The following TBC1D32 variants were observed in gnomAD, a reference collection of about 807,000 sequenced individuals.
TBC1D32 encodes protein broad-minded.
A neutral mutation model predicts 170.3 loss-of-function variants in TBC1D32; 151 were observed. That is an observed-to-expected ratio of 0.89 (90% CI 0.78 to 1.01). The LOEUF (loss-of-function observed/expected upper bound fraction) is 1.01. TBC1D32 is among the 50% of genes least tolerant of loss of function. The pLI, the probability that TBC1D32 is intolerant of heterozygous loss-of-function variation, is 0.00. For missense variants in TBC1D32, 1,464 were observed against 1,457.1 expected, an observed-to-expected ratio of 1.00 and a Z score of -0.08; for synonymous variants, 498 against 488.0, an observed-to-expected ratio of 1.02 and a Z score of -0.27.
chr6:121,290,008 T>C (rs1396829626), intron 12 of TBC1D32, among the ~76,000 whole-genome samples: 2 of 152,172 alleles, frequency 1.3e-5, no homozygotes, highest in Admixed American at 6.5e-5. Context: ...TCAAGGTGGA[T>C]TAAAGACTTA....
intron 3 of TBC1D32, among the ~76,000 whole-genome samples, chr6:121,314,920 G>A (rs1808717170): frequency 6.6e-6 from 1 of 152,178 alleles, no homozygotes; most frequent in African/African-American, 2.4e-5. Flanking sequence ...GTGTCTGTGT[G>A]CCAGGCACTG....
At chr6:121,204,808 A>G (rs1303864363) in intron 22 of TBC1D32, among the ~76,000 whole-genome samples, 1 of 146,672 alleles carries the variant, frequency 6.8e-6, no homozygotes, top group African/African-American at 2.8e-5. Context: ...GAGTACACTA[A>G]ATGAAATAGT....
chr6:121,211,742 C>T (rs1053741831), intron 21 of TBC1D32, among the ~76,000 whole-genome samples: 3 of 152,120 alleles, frequency 2.0e-5, no homozygotes, highest in Non-Finnish European at 2.9e-5. Flanking sequence ...AAGTAAAATG[C>T]TGTGGAAGAC....
rs190409049 is a variant in TBC1D32 at position 121,089,013 on chromosome 6, A to T, written c.3654+1840T>A. ...AAAAGAGAGATGAAACTGTAAATCA[A>T]CATTAATCAAATTTAAAGATGATGC... On this transcript the variant is annotated intron_variant, in intron 31 of 31. Coordinates refer to ENST00000398212, the MANE Select transcript of TBC1D32 (RefSeq NM_152730.6). Among the ~76,000 whole-genome samples, 314 of 152,296 alleles carry T rather than the reference A, an allele frequency of 2.1e-3. 1 individual carries two copies. The highest frequency in any genetic ancestry group is 7.3e-3 in the African/African-American group (305 of 41,586).
intron 26 of TBC1D32, among the ~76,000 whole-genome samples, chr6:121,123,677 T>G (rs1271104865): frequency 1.3e-5 from 2 of 152,104 alleles, no homozygotes; most frequent in African/African-American, 4.8e-5. Flanking sequence ...GGTCCTGTTT[T>G]GATATTCAGC....
chr6:121,172,158 T>C (rs1787109943), intron 22 of TBC1D32, among the ~76,000 whole-genome samples: 1 of 152,086 alleles, frequency 6.6e-6, no homozygotes, highest in African/African-American at 2.4e-5. Context: ...CCTTCCACCA[T>C]GATTATGAGG....
In TBC1D32 at chr6:121,304,624, A is replaced by G; in HGVS notation, c.771T>C (p.Ala257=). 6.3e-7 allele frequency: 1 copy of G among 1,590,190 alleles called. No homozygotes were observed. Among genetic ancestry groups the G allele is most frequent in the Non-Finnish European group, 8.6e-7 (1 of 1,169,120 alleles). The change falls in exon 7 of 32, where the codon GCT becomes GCC. Residue 257 remains alanine, a splice_region_variant and synonymous_variant. Coordinates refer to ENST00000398212, the MANE Select transcript of TBC1D32 (RefSeq NM_152730.6). ...HMTKEIYTSL[A]KYLESYFLSR... ...AAAGAAAGTATGACTCCAAATACTT[A>G]GCTGAAAAAAAAGGGAAAACATAAA...
chr6:121,298,741 C>T (rs1806024983), intron 10 of TBC1D32, among the ~76,000 whole-genome samples: 1 of 152,076 alleles, frequency 6.6e-6, no homozygotes, highest in Admixed American at 6.6e-5. Flanking sequence ...TTATGCTCTA[C>T]TGCACTCAAC....
rs1779355981 is a variant in TBC1D32, at chr6:121,113,136, T to C, written c.3095A>G (p.Asn1032Ser). The change falls in exon 28 of 32, where the codon AAT (asparagine) becomes AGT (serine). Residue 1032 changes from asparagine to serine, a missense_variant. By Grantham distance (46) the Asn-to-Ser change is conservative. Around this residue, in one of 3 missense-constraint regions of TBC1D32, gnomAD observed 1,363 missense variants for 1,338.1 expected, o/e 1.02. Coordinates refer to ENST00000398212, the MANE Select transcript of TBC1D32 (RefSeq NM_152730.6). ...ATGCTTTAAAACCCAGGTAAGATCA[T>C]TTTCTGCACCATCTTTTAAGAGACT... ...FLSLLKDGAE[N>S]DLTWVLKHCE... 1.9e-6 allele frequency: 3 copies of C among 1,611,456 alleles called. No individual in the cohort carries two copies. Among genetic ancestry groups the C allele is most frequent in the Non-Finnish European group, 2.5e-6 (3 of 1,179,044 alleles).
chr6:121,254,384 T>C (rs1798697111), intron 17 of TBC1D32, among the ~76,000 whole-genome samples: 1 of 152,086 alleles, frequency 6.6e-6, no homozygotes, highest in African/African-American at 2.4e-5. Context: ...CAAAAACTAT[T>C]GAAATAAAAA....
At chr6:121,085,226 T>TATAC (rs1776069939) in intron 31 of TBC1D32, among the ~76,000 whole-genome samples, 2 of 146,902 alleles carry the variant, frequency 1.4e-5, no homozygotes, top group Non-Finnish European at 3.0e-5. Flanking sequence ...TATACACATA[T>TATAC]ATATATACAC....
intron 17 of TBC1D32, among the ~76,000 whole-genome samples, chr6:121,250,491 G>A (rs1333665341): frequency 6.6e-6 from 1 of 152,094 alleles, no homozygotes; most frequent in Non-Finnish European, 1.5e-5. Context: ...AAAATCACAT[G>A]ATTATCTCAA....
chr6:121,222,350 T>C (rs1290560931), intron 21 of TBC1D32, among the ~76,000 whole-genome samples: 1 of 152,186 alleles, frequency 6.6e-6, no homozygotes, highest in Non-Finnish European at 1.5e-5. Context: ...GAGGTATACC[T>C]GTACTTAAGA....
At chr6:121,271,187 C>T (rs773185825) in intron 15 of TBC1D32, among the ~76,000 whole-genome samples, 2 of 152,146 alleles carry the variant, frequency 1.3e-5, no homozygotes, top group African/African-American at 4.8e-5. Flanking sequence ...GAAGCATTCC[C>T]TTTGAAAACT....
At chr6:121,244,501 T>C (rs2128368957) in intron 17 of TBC1D32, among the ~76,000 whole-genome samples, 1 of 152,252 alleles carries the variant, frequency 6.6e-6, no homozygotes, top group African/African-American at 2.4e-5. Context: ...TGGGGGTGGT[T>C]TTCAGGCCAC....
chr6:121,138,888 A>C (rs1407490181), intron 24 of TBC1D32, among the ~76,000 whole-genome samples: 1 of 148,732 alleles, frequency 6.7e-6, no homozygotes, highest in African/African-American at 2.5e-5. Flanking sequence ...TCTGTCGCCC[A>C]GGCTGGAGTG....
intron 9 of TBC1D32, among the ~76,000 whole-genome samples, chr6:121,302,806 G>A (rs183532815): frequency 6.6e-6 from 1 of 152,030 alleles, no homozygotes; most frequent in Admixed American, 6.6e-5. Flanking sequence ...TACTAGACAG[G>A]CCAGGTAAGG....
At chr6:121,159,917 G>T (rs1257102234) in intron 24 of TBC1D32, 93 bp downstream of exon 24, 5 of 829,156 alleles carry the variant, frequency 6.0e-6, no homozygotes, top group Non-Finnish European at 9.8e-6. Flanking sequence ...CATGCTAAAT[G>T]CAGTCAATAT....
At chr6:121,266,555 C>A (rs774341400) in intron 15 of TBC1D32, among the ~76,000 whole-genome samples, 1 of 152,064 alleles carries the variant, frequency 6.6e-6, no homozygotes, top group Non-Finnish European at 1.5e-5. Context: ...AGCAATCCCA[C>A]TACTGGGTAT....
Sources: gnomAD v4.1 joint callset for allele counts (sites outside exome capture counted in the v4.1 genomes callset) on GRCh38, gnomAD v4.1.1 for gene constraint, gnomAD v4.1.1 regional missense constraint, MANE v1.5 for transcripts, NCBI Gene and HGNC (gene_info 2026-07-23, HGNC 2026-07-21) for gene names.